Variants in SH3GL2 observed in about 807,000 individuals in gnomAD.
SH3GL2 encodes SH3 domain containing GRB2 like 2, endophilin A1.
SH3GL2 carries 24 observed loss-of-function variants against 46.0 expected under a neutral mutation model. The observed-to-expected ratio is 0.52, with a 90% CI of 0.38 to 0.73. The LOEUF is 0.73. SH3GL2 is among the 30% of genes least tolerant of loss of function. The pLI is 0.00. For missense variants in SH3GL2, 413 were observed against 424.2 expected (o/e 0.97, Z 0.23); for synonymous variants, 196 against 147.1 (o/e 1.33, Z -2.40).
intron 1 of SH3GL2, among the ~76,000 whole-genome samples, chr9:17,679,120 T>C (rs1354194067): frequency 1.3e-5 from 2 of 152,130 alleles, no homozygotes; most frequent in African/African-American, 4.8e-5. Context: ...TGCGGGCTCT[T>C]TTTTGGTTCC....
At chr9:17,645,151 C>CTTTTTCTTTTTTTTTTTTTTT (rs1819778176) in intron 1 of SH3GL2, among the ~76,000 whole-genome samples, 1 of 68,780 alleles carries the variant, frequency 1.5e-5, no homozygotes, top group Non-Finnish European at 2.7e-5. Flanking sequence ...GCAAACGCTG[C>CTTTTTCTTTTTTTTTTTTTTT]TTTTTTTTTT....
chr9:17,701,224 C>T (rs1821336909), intron 1 of SH3GL2, among the ~76,000 whole-genome samples: 1 of 152,140 alleles, frequency 6.6e-6, no homozygotes. Flanking sequence ...AGGAATCAGA[C>T]TGACTACAAA....
At chr9:17,734,455 A>C (rs1448670771) in intron 1 of SH3GL2, among the ~76,000 whole-genome samples, 1 of 152,124 alleles carries the variant, frequency 6.6e-6, no homozygotes, top group East Asian at 1.9e-4. Flanking sequence ...TTTCGTGTAT[A>C]ACTGTCCTGT....
intron 1 of SH3GL2, among the ~76,000 whole-genome samples, chr9:17,581,845 T>C (rs1264373222): frequency 6.6e-6 from 1 of 152,134 alleles, no homozygotes; most frequent in Non-Finnish European, 1.5e-5. Context: ...ATTATAGGCA[T>C]GCACTACCAC....
chr9:17,762,990 T>A (rs1357816308), intron 3 of SH3GL2, among the ~76,000 whole-genome samples: 3 of 152,086 alleles, frequency 2.0e-5, no homozygotes, highest in Non-Finnish European at 4.4e-5. Flanking sequence ...TTTTCACGAG[T>A]TGTACTTGTA....
At chr9:17,686,149 A>C (rs1218579572) in intron 1 of SH3GL2, among the ~76,000 whole-genome samples, 1 of 133,348 alleles carries the variant, frequency 7.5e-6, no homozygotes, top group African/African-American at 3.2e-5. Flanking sequence ...GACACTTCTC[A>C]AAAGAAGACA....
chr9:17,758,836 A>C (rs1189540618), intron 2 of SH3GL2, among the ~76,000 whole-genome samples: 1 of 152,132 alleles, frequency 6.6e-6, no homozygotes, highest in Admixed American at 6.6e-5. Flanking sequence ...ATGGGCACAA[A>C]GTCGGTAAAC....
chr9:17,731,263 G>T (rs148311718), intron 1 of SH3GL2, among the ~76,000 whole-genome samples: 1 of 151,980 alleles, frequency 6.6e-6, no homozygotes, highest in Non-Finnish European at 1.5e-5. Flanking sequence ...CCAAATATAC[G>T]TTGAAGCCCT....
chr9:17,687,701 T>A (rs917115764), intron 1 of SH3GL2, among the ~76,000 whole-genome samples: 1 of 151,192 alleles, frequency 6.6e-6, no homozygotes, highest in African/African-American at 2.5e-5. Context: ...TGATAAAGTT[T>A]AAGTCGAGGA....
chr9:17,766,956 A>C (rs1014866650), intron 3 of SH3GL2, among the ~76,000 whole-genome samples: 1 of 152,200 alleles, frequency 6.6e-6, no homozygotes, highest in Non-Finnish European at 1.5e-5. Flanking sequence ...AAAAATTCTG[A>C]AAGTCTGTTT....
chr9:17,711,780 G>T (rs921334088), intron 1 of SH3GL2, among the ~76,000 whole-genome samples: 2 of 151,690 alleles, frequency 1.3e-5, no homozygotes, highest in Admixed American at 6.6e-5. Flanking sequence ...GAATATTCTT[G>T]TACAAGACAT....
At chr9:17,761,551 A>G (rs1197676032) in intron 3 of SH3GL2, 42 bp downstream of exon 3, 1 of 1,169,680 alleles carries the variant, frequency 8.5e-7, no homozygotes. Context: ...CCTCGAGGTA[A>G]CTTTTAGTTT....
chr9:17,678,320 C>T (rs541360381), intron 1 of SH3GL2, among the ~76,000 whole-genome samples: 28 of 152,210 alleles, frequency 1.8e-4, no homozygotes, highest in Admixed American at 2.6e-4. Context: ...TTTTAATGAT[C>T]GCCATTGTAA....
intron 3 of SH3GL2, among the ~76,000 whole-genome samples, chr9:17,773,403 C>G (rs1240266254): frequency 6.6e-6 from 1 of 152,066 alleles, no homozygotes; most frequent in African/African-American, 2.4e-5. Context: ...TGTCATGAAG[C>G]TTTTGCCTGT....
At chr9:17,759,413 C>T (rs1823104802) in intron 2 of SH3GL2, among the ~76,000 whole-genome samples, 1 of 152,216 alleles carries the variant, frequency 6.6e-6, no homozygotes, top group Non-Finnish European at 1.5e-5. Context: ...CATATTCCAG[C>T]TCTGACTTGG....
chr9:17,733,126 G>A (rs1206486108), intron 1 of SH3GL2, among the ~76,000 whole-genome samples: 1 of 151,934 alleles, frequency 6.6e-6, no homozygotes, highest in Non-Finnish European at 1.5e-5. Context: ...TTTGATGGGT[G>A]GTCAGACCTC....
rs144223059 is a variant in SH3GL2, at chr9:17,793,853, G to A, written c.859+356G>A. On this transcript the variant is annotated intron_variant, in intron 8 of 8. Coordinates refer to ENST00000380607, the MANE Select transcript of SH3GL2 (RefSeq NM_003026.5). ...GTGTCATCTTTTCTCCTGCGTGTTC[G>A]CTCTGAATCCAGCCTGTATGACAGT... 1.9e-4 allele frequency among the ~76,000 whole-genome samples: 29 copies of A among 152,232 alleles called. No individual in the cohort carries two copies. The East Asian group carries it at 2.9e-3, about 15-fold the overall frequency.
chr9:17,751,547 A>G (rs1822845776), intron 2 of SH3GL2, among the ~76,000 whole-genome samples: 1 of 151,160 alleles, frequency 6.6e-6, no homozygotes, highest in Middle Eastern at 3.4e-3. Flanking sequence ...ATCACTGCCC[A>G]TGTTTGACCC....
At chr9:17,637,188 G>A (rs766693646) in intron 1 of SH3GL2, among the ~76,000 whole-genome samples, 3 of 152,076 alleles carry the variant, frequency 2.0e-5, no homozygotes, top group Non-Finnish European at 4.4e-5. Context: ...GTGAATTCAC[G>A]GTATGATGTA....
Sources: allele counts gnomAD v4.1 joint callset (sites outside exome capture counted in the v4.1 genomes callset), GRCh38; gene constraint gnomAD v4.1.1; transcripts MANE v1.5; gene names NCBI Gene and HGNC (gene_info 2026-07-23, HGNC 2026-07-21).